SNX31: variants seen among roughly 807,000 people sequenced by gnomAD.
The protein encoded by SNX31 is sorting nexin 31.
In SNX31, 58 loss-of-function variants were observed where a neutral mutation model predicts 65.4. The ratio of observed to expected loss-of-function variants is 0.89; its 90% CI spans 0.72 to 1.10. The LOEUF is 1.10. Among genes scored for constraint, SNX31 ranks in the 50% least tolerant of loss-of-function variants. The pLI is 0.00. For missense variants in SNX31, 523 were observed against 529.7 expected (o/e 0.99, Z 0.12); for synonymous variants, 181 against 190.1 (o/e 0.95, Z 0.39).
upstream of SNX31, among the ~76,000 whole-genome samples, chr8:100,652,767 T>C (rs1007284863): frequency 6.6e-6 from 1 of 152,062 alleles, no homozygotes; most frequent in African/African-American, 2.4e-5. Context: ...TTCACACCCT[T>C]GGGCCTCTGG....
At chr8:100,634,482 C>G (rs147491354) in intron 3 of SNX31, among the ~76,000 whole-genome samples, 4 of 151,140 alleles carry the variant, frequency 2.6e-5, no homozygotes, top group Admixed American at 6.6e-5. Context: ...CATGGTGGCT[C>G]ACCCCTGTAA....
rs12545062 is a variant in SNX31 at position 100,581,779 on chromosome 8, C to T, written c.1170+2332G>A. Among the ~76,000 whole-genome samples the T allele has an allele frequency of 6.0e-4, 91 of 152,160 alleles. No homozygotes were observed. In the East Asian group the frequency reaches 6.4e-3, roughly 11 times the overall value. ...GTTTCCCTGGAAAACAAGGGAATGACGCCATGGTACATTTATATGGTTTCC... is the reference window on the plus strand; with the variant it reads ...GTTTCCCTGGAAAACAAGGGAATGATGCCATGGTACATTTATATGGTTTCC... On this transcript the variant is annotated intron_variant, in intron 12 of 13. Coordinates refer to ENST00000311812, the MANE Select transcript of SNX31 (RefSeq NM_152628.4).
intron 2 of SNX31, 127 bp downstream of exon 2, chr8:100,649,147 A>G (rs986538117): frequency 3.6e-6 from 3 of 840,768 alleles, no homozygotes; most frequent in African/African-American, 1.7e-5. Flanking sequence ...ACCCTGTTTC[A>G]CAATAGGAAG....
chr8:100,628,839 T>A (rs1269366659), intron 4 of SNX31, among the ~76,000 whole-genome samples: 1 of 150,936 alleles, frequency 6.6e-6, no homozygotes, highest in African/African-American at 2.5e-5. Context: ...TGTGTGTGTG[T>A]GTGTGTGTGT....
Position 100,612,326 on chromosome 8 carries a change from GA to G in SNX31, c.524-240del, listed in dbSNP as rs2131032333. Among the ~76,000 whole-genome samples the G allele has an allele frequency of 6.6e-6, 1 of 152,022 alleles. No homozygotes were observed. Among genetic ancestry groups the G allele is most frequent in the South Asian group, 2.1e-4 (1 of 4,824 alleles). ...GGGTGTTTTACACTGTGATATAGAT[GA>G]AAAAATAGATCCGGAGACATCCAGC... On this transcript the variant is annotated intron_variant, in intron 6 of 13. Transcript: ENST00000311812. This position sits in a 1 kb window ranked among gnomAD's most constrained non-coding sequence, Gnocchi z 4.3.
chr8:100,584,043 T>C, intron 12 of SNX31, 68 bp downstream of exon 12: 5 of 1,435,314 alleles, frequency 3.5e-6, no homozygotes, highest in Non-Finnish European at 4.8e-6. Context: ...TGAGTGTAGT[T>C]TGGTCTCCAA....
At chr8:100,641,561 AAAAAAT>A (rs1279134512) in intron 2 of SNX31, among the ~76,000 whole-genome samples, 1 of 28,686 alleles carries the variant, frequency 3.5e-5, no homozygotes, top group African/African-American at 2.3e-4. Context: ...AAAAAAAAAA[AAAAAAT>A]ATATATATAT....
At chr8:100,577,860 C>G (rs888003438) in intron 12 of SNX31, among the ~76,000 whole-genome samples, 1 of 152,146 alleles carries the variant, frequency 6.6e-6, no homozygotes, top group Non-Finnish European at 1.5e-5. Context: ...AATAAACACC[C>G]TACTCTCACT....
At chr8:100,649,745 T>A (rs528109346), upstream of SNX31, 2 of 448,172 alleles carry the variant, frequency 4.5e-6, no homozygotes, top group Non-Finnish European at 7.9e-6. Context: ...CCGGGATAGG[T>A]GGCGCCTGGG....
intron 2 of SNX31, among the ~76,000 whole-genome samples, chr8:100,645,720 T>C (rs1413938081): frequency 6.8e-6 from 1 of 147,910 alleles, no homozygotes; most frequent in African/African-American, 2.5e-5. Flanking sequence ...CAAGCGATCC[T>C]CCCACCTCAG....
intron 2 of SNX31, among the ~76,000 whole-genome samples, chr8:100,647,795 G>C (rs1039802589): frequency 6.6e-6 from 1 of 152,128 alleles, no homozygotes; most frequent in Non-Finnish European, 1.5e-5. Flanking sequence ...AAACAGAGGA[G>C]GGTAGGAGAG....
rs1816771637 is a variant in SNX31 at position 100,612,197 on chromosome 8, C to G, written c.524-110G>C. 1 of 672,764 alleles carries G rather than the reference C, an allele frequency of 1.5e-6. No individual in the cohort carries two copies. The highest frequency in any genetic ancestry group is 2.6e-6 in the Non-Finnish European group (1 of 386,594). The allele number at this position is 672,764 out of a possible 1,614,324, so 41.7% of individuals were successfully genotyped here. ...CTTATTATTGGAAATAATAAAATCA[C>G]AGTAAGAATATCCTCTGTATTTACA... On this transcript the variant is annotated intron_variant, in intron 6 of 13. Coordinates refer to ENST00000311812, the MANE Select transcript of SNX31 (RefSeq NM_152628.4). The surrounding 1 kb of genome is among the most constrained non-coding windows in gnomAD (Gnocchi z 4.3).
Position 100,649,292 on chromosome 8 carries a change from CA to C in SNX31, c.122del (p.Leu41ArgfsTer8). On this transcript the variant is annotated frameshift_variant, in exon 2 of 14. Transcript: ENST00000311812. LOFTEE classifies it high-confidence loss of function. ...TGCTCACCTGTTCGTTCCAACCGTG[CA>C]GCTGGCTGTAGCGCACCCTGCAGAA... ...FLFCRVRYSQ[L>X]HGWNEQLRRV... is the part of the protein sequence containing the mutation. 16 of 1,614,088 alleles carry C rather than the reference CA, an allele frequency of 9.9e-6. No individual in the cohort carries two copies. Among genetic ancestry groups the C allele is most frequent in the Non-Finnish European group, 1.4e-5 (16 of 1,179,934 alleles).
At chr8:100,617,802 T>A (rs1817354827) in intron 4 of SNX31, 72 bp from the exon 5 acceptor site, 2 of 1,228,752 alleles carry the variant, frequency 1.6e-6, no homozygotes, top group Non-Finnish European at 2.3e-6. Context: ...TCTCACTCTG[T>A]TGCCCAGGCT....
chr8:100,657,388 G>A (rs567921055), intron 1 of SNX31, among the ~76,000 whole-genome samples: 1 of 151,626 alleles, frequency 6.6e-6, no homozygotes, highest in Admixed American at 6.6e-5. Flanking sequence ...GAAGGCAGAG[G>A]TTGCGGTGAG....
intron 11 of SNX31, among the ~76,000 whole-genome samples, chr8:100,584,665 A>G (rs140911971): frequency 6.6e-6 from 1 of 151,954 alleles, no homozygotes; most frequent in African/African-American, 2.4e-5. Context: ...GGAATATATT[A>G]GCACCTTATT....
chr8:100,628,779 G>T (rs531242978), intron 4 of SNX31, among the ~76,000 whole-genome samples: 2 of 151,764 alleles, frequency 1.3e-5, no homozygotes, highest in South Asian at 4.2e-4. Flanking sequence ...TTGAAAAAAT[G>T]TGTTGAGTGT....
At chr8:100,641,835 T>C (rs939875735) in intron 2 of SNX31, among the ~76,000 whole-genome samples, 1 of 150,584 alleles carries the variant, frequency 6.6e-6, no homozygotes, top group African/African-American at 2.4e-5. Flanking sequence ...TCCCAGCACT[T>C]TGGGAGGCCG....
intron 3 of SNX31, among the ~76,000 whole-genome samples, chr8:100,634,471 G>T (rs886249959): frequency 6.6e-5 from 10 of 152,084 alleles, no homozygotes; most frequent in African/African-American, 2.4e-4. Context: ...AGTAGGCCAG[G>T]CATGGTGGCT....
Sources: allele counts gnomAD v4.1 joint callset (sites outside exome capture counted in the v4.1 genomes callset), GRCh38; gene constraint gnomAD v4.1.1; non-coding constraint Gnocchi (gnomAD v3.1); transcripts MANE v1.5; gene names NCBI Gene and HGNC (gene_info 2026-07-23, HGNC 2026-07-21).